The following CSMD1 variants were observed in gnomAD, a reference collection of about 807,000 sequenced individuals.
CSMD1 encodes CUB and sushi domain-containing protein 1.
A neutral mutation model predicts 417.5 loss-of-function variants in CSMD1; 213 were observed. The ratio of observed to expected loss-of-function variants is 0.51; its 90% CI spans 0.46 to 0.57. CSMD1 has a LOEUF of 0.57. CSMD1 is among the 20% of genes least tolerant of loss of function. The pLI, the probability that CSMD1 is intolerant of heterozygous loss-of-function variation, is 0.00. For missense variants in CSMD1, 6,923 were observed against 4,529.7 expected (o/e 1.53, Z -15.17); for synonymous variants, 2,862 against 1,736.8 (o/e 1.65, Z -16.11).
chr8:3,461,382 G>A (rs1816489301), intron 12 of CSMD1, among the ~76,000 whole-genome samples: 1 of 152,198 alleles, frequency 6.6e-6, no homozygotes, highest in Non-Finnish European at 1.5e-5. Context: ...TCCTCTGGAT[G>A]TGGTCTTCAC....
intron 1 of CSMD1, among the ~76,000 whole-genome samples, chr8:4,721,809 C>T (rs1397106657): frequency 6.6e-6 from 1 of 152,152 alleles, no homozygotes; most frequent in Non-Finnish European, 1.5e-5. Flanking sequence ...AGAACCTAGG[C>T]ATCCACCAAT....
At chr8:4,366,376 C>T (rs893609998) in intron 3 of CSMD1, among the ~76,000 whole-genome samples, 2 of 152,216 alleles carry the variant, frequency 1.3e-5, no homozygotes, top group South Asian at 2.1e-4. Flanking sequence ...TTGAGAATAG[C>T]ACTGCAATGA....
intron 3 of CSMD1, among the ~76,000 whole-genome samples, chr8:4,259,192 C>T (rs1348819164): frequency 6.6e-6 from 1 of 152,200 alleles, no homozygotes; most frequent in African/African-American, 2.4e-5. Flanking sequence ...CTAGAAGTCA[C>T]TTTCCAGCCC....
At chr8:4,296,546 T>C (rs1797694794) in intron 3 of CSMD1, among the ~76,000 whole-genome samples, 1 of 152,126 alleles carries the variant, frequency 6.6e-6, no homozygotes, top group Non-Finnish European at 1.5e-5. Context: ...TATTCACTAC[T>C]CATAATTCAG....
chr8:3,798,897 T>C (rs769266869), intron 5 of CSMD1, among the ~76,000 whole-genome samples: 4 of 152,056 alleles, frequency 2.6e-5, no homozygotes, highest in Non-Finnish European at 4.4e-5. Flanking sequence ...AGTTTATAGG[T>C]GCAAAAGAAG....
chr8:3,506,541 C>T (rs966960716), intron 10 of CSMD1, among the ~76,000 whole-genome samples: 2 of 152,168 alleles, frequency 1.3e-5, no homozygotes, highest in African/African-American at 4.8e-5. Context: ...AGATACTTTA[C>T]GTTTCATTCA....
At chr8:3,785,807 G>T (rs762618949) in intron 5 of CSMD1, among the ~76,000 whole-genome samples, 3 of 152,192 alleles carry the variant, frequency 2.0e-5, no homozygotes, top group Admixed American at 6.5e-5. Context: ...CTGCGGAAGA[G>T]CTATGTTGAA....
chr8:3,594,740 A>C (rs11985561), intron 8 of CSMD1, among the ~76,000 whole-genome samples: 17,516 of 152,160 alleles, frequency 0.12, 1,231 homozygotes, highest in African/African-American at 0.18. Flanking sequence ...AACACAAAGC[A>C]CAGAAGTATG....
intron 1 of CSMD1, among the ~76,000 whole-genome samples, chr8:4,782,798 C>G (rs2407594): frequency 0.9 from 136,487 of 152,180 alleles, 62,210 homozygotes; most frequent in East Asian, 0.97. Context: ...CTGATTATAT[C>G]TATTTTCACA....
intron 57 of CSMD1, among the ~76,000 whole-genome samples, chr8:2,971,064 A>G (rs536238323): frequency 2.1e-4 from 32 of 152,350 alleles, no homozygotes; most frequent in Non-Finnish European, 4.0e-4. Flanking sequence ...AGAGTTAAAT[A>G]TATCAGTATG....
At chr8:3,251,330 C>G (rs1399527213) in intron 26 of CSMD1, among the ~76,000 whole-genome samples, 1 of 152,110 alleles carries the variant, frequency 6.6e-6, no homozygotes, top group Non-Finnish European at 1.5e-5. Flanking sequence ...AATCCTTTCC[C>G]CATTGCTTGT....
Position 4,230,353 on chromosome 8 carries a change from G to A in CSMD1, c.415+189600C>T, listed in dbSNP as rs996455733. ...CATTGCATAAAGCAAATCAAGCCGA[G>A]TAAACTCTGGTGACCTACCTGAGGT... On this transcript the variant is annotated intron_variant, in intron 3 of 69. Coordinates refer to ENST00000635120, the MANE Select transcript of CSMD1 (RefSeq NM_033225.6). 4.6e-5 allele frequency among the ~76,000 whole-genome samples: 7 copies of A among 152,164 alleles called. No individual in the cohort carries two copies. In the East Asian group the frequency reaches 1.3e-3, roughly 29 times the overall value.
At chr8:3,570,841 T>C (rs1799912763) in intron 10 of CSMD1, among the ~76,000 whole-genome samples, 1 of 152,204 alleles carries the variant, frequency 6.6e-6, no homozygotes, top group South Asian at 2.1e-4. Flanking sequence ...TCCGGGATCT[T>C]GACTTCCTCT....
chr8:3,966,518 G>C (rs944329082), intron 5 of CSMD1, among the ~76,000 whole-genome samples: 3 of 152,034 alleles, frequency 2.0e-5, no homozygotes, highest in Admixed American at 2.0e-4. Flanking sequence ...CAGTTCCTGG[G>C]AGAAAATTGT....
intron 50 of CSMD1, among the ~76,000 whole-genome samples, chr8:3,033,278 A>G (rs1810465382): frequency 6.6e-6 from 1 of 152,114 alleles, no homozygotes; most frequent in Admixed American, 6.6e-5. Context: ...TGAATAAACA[A>G]TATGATAAAA....
rs534067711 is a variant in CSMD1 at position 3,954,460 on chromosome 8, G to C, written c.818+43443C>G. ...CAGCTCACTGCAACCTCCTCCTCCC[G>C]GGTTCAGGCGATTCTGCTGCCTCAG... On this transcript the variant is annotated intron_variant, in intron 5 of 69. Coordinates refer to ENST00000635120, the MANE Select transcript of CSMD1 (RefSeq NM_033225.6). 1.1e-4 allele frequency among the ~76,000 whole-genome samples: 17 copies of C among 152,184 alleles called. No individual in the cohort carries two copies. In the East Asian group the frequency reaches 3.1e-3, roughly 28 times the overall value.
intron 6 of CSMD1, among the ~76,000 whole-genome samples, chr8:3,751,552 T>A (rs1797344098): frequency 6.7e-6 from 1 of 150,236 alleles, no homozygotes; most frequent in Admixed American, 6.7e-5. Flanking sequence ...GAAGTGTGTA[T>A]AACGTACGTA....
At position 3,756,697 on chromosome 8, in the gene CSMD1, T is replaced by C. The variant is rs117249050; in HGVS notation, c.819-2655A>G. On this transcript the variant is annotated intron_variant, in intron 5 of 69. Coordinates refer to ENST00000635120, the MANE Select transcript of CSMD1 (RefSeq NM_033225.6). ...GAAGCTGCATGTACTTGCTAAACTT[T>C]TCACAACCGCAATCAATGCTTGTTT... 7.3e-3 allele frequency among the ~76,000 whole-genome samples: 1,111 copies of C among 152,328 alleles called. 35 individuals carry two copies. Among genetic ancestry groups the C allele is most frequent in the Admixed American group, 0.051 (778 of 15,300 alleles).
intron 3 of CSMD1, among the ~76,000 whole-genome samples, chr8:4,406,237 G>C (rs1041081034): frequency 6.6e-6 from 1 of 152,074 alleles, no homozygotes; most frequent in Admixed American, 6.6e-5. Flanking sequence ...CCCCCAAATG[G>C]TGCAAGTGGC....
Sources: allele counts gnomAD v4.1 joint callset (sites outside exome capture counted in the v4.1 genomes callset), GRCh38; gene constraint gnomAD v4.1.1; transcripts MANE v1.5; gene names NCBI Gene and HGNC (gene_info 2026-07-23, HGNC 2026-07-21).